ESRRG: variants seen among roughly 807,000 people sequenced by gnomAD.
ESRRG encodes the protein estrogen related receptor gamma, also known as estrogen-related receptor gamma.
A neutral mutation model predicts 44.0 loss-of-function variants in ESRRG; 13 were observed. That is an observed-to-expected ratio of 0.30 (90% CI 0.19 to 0.47). The LOEUF is 0.47. Ranked by LOEUF, ESRRG falls within the 20% of genes least tolerant of loss-of-function variation. The pLI, the probability that ESRRG is intolerant of heterozygous loss-of-function variation, is 1.00. For synonymous variants in ESRRG, 215 were observed against 214.6 expected (o/e 1.00, Z -0.02); for missense variants, 395 against 580.6 (o/e 0.68, Z 3.29).
At chr1:216,782,608 T>C (rs2093975652) in intron 2 of ESRRG, among the ~76,000 whole-genome samples, 1 of 152,102 alleles carries the variant, frequency 6.6e-6, no homozygotes, top group African/African-American at 2.4e-5. Flanking sequence ...TCATTTTCAT[T>C]AGAAAGAACC....
intron 2 of ESRRG, among the ~76,000 whole-genome samples, chr1:216,661,089 G>A (rs545031456): frequency 5.3e-5 from 8 of 152,220 alleles, no homozygotes; most frequent in African/African-American, 1.9e-4. Context: ...CTCATCCAAG[G>A]ACTAAAGAAA....
chr1:216,967,213 C>T (rs376062320), intron 1 of ESRRG, among the ~76,000 whole-genome samples: 1 of 152,016 alleles, frequency 6.6e-6, no homozygotes, highest in Admixed American at 6.6e-5. Context: ...GGTACATTTG[C>T]TACAACTAAT....
chr1:216,728,963 G>A (rs1244925496), intron 2 of ESRRG, among the ~76,000 whole-genome samples: 14 of 152,120 alleles, frequency 9.2e-5, no homozygotes, highest in African/African-American at 2.9e-4. Context: ...ATTAATTAGA[G>A]GTGTGTGTTT....
chr1:216,771,787 T>C (rs192802574), intron 2 of ESRRG, among the ~76,000 whole-genome samples: 29 of 150,998 alleles, frequency 1.9e-4, no homozygotes, highest in African/African-American at 7.0e-4. Flanking sequence ...TAAATTTAAT[T>C]ACAGTATTTT....
At chr1:216,622,609 T>TATACACACACACACACAC (rs147309378) in intron 3 of ESRRG, among the ~76,000 whole-genome samples, 4 of 150,824 alleles carry the variant, frequency 2.7e-5, no homozygotes, top group African/African-American at 9.8e-5. Flanking sequence ...AAATGAAAAT[T>TATACACACACACACACAC]ACACACACGC....
intron 2 of ESRRG, among the ~76,000 whole-genome samples, chr1:216,923,851 C>T (rs764332555): frequency 2.6e-5 from 4 of 152,116 alleles, no homozygotes; most frequent in African/African-American, 4.8e-5. Context: ...GAAATGGGAG[C>T]GTTCCAGGAA....
chr1:217,102,366 A>T (rs547133045), intron 1 of ESRRG, among the ~76,000 whole-genome samples: 23 of 152,084 alleles, frequency 1.5e-4, no homozygotes, highest in Middle Eastern at 6.8e-3. Context: ...TATTATTTTT[A>T]AAATAATAAT....
At chr1:216,569,190 G>GGGAAAGAAAAGGAAA (rs2060293977) in intron 3 of ESRRG, among the ~76,000 whole-genome samples, 1 of 53,838 alleles carries the variant, frequency 1.9e-5, no homozygotes, top group East Asian at 6.6e-4. Flanking sequence ...GGGAAGGGAA[G>GGGAAAGAAAAGGAAA]GGAAAGGAAA....
At chr1:216,931,697 AT>A in intron 2 of ESRRG, among the ~76,000 whole-genome samples, 1 of 152,284 alleles carries the variant, frequency 6.6e-6, no homozygotes, top group Middle Eastern at 3.4e-3. Context: ...CTCTGCAGTC[AT>A]CTCTCCAACT....
chr1:216,625,962 C>T (rs2063127480), intron 3 of ESRRG, among the ~76,000 whole-genome samples: 1 of 152,114 alleles, frequency 6.6e-6, no homozygotes, highest in South Asian at 2.1e-4. Flanking sequence ...CTCTCACTCC[C>T]TCTGTCTGTT....
intron 3 of ESRRG, among the ~76,000 whole-genome samples, chr1:216,623,572 T>A (rs893136731): frequency 2.6e-5 from 4 of 152,180 alleles, no homozygotes; most frequent in African/African-American, 9.7e-5. Flanking sequence ...ATTGAAGAGT[T>A]ACTTTATCAA....
At position 216,760,624 on chromosome 1, in the gene ESRRG, A is replaced by C. The variant is rs149083991; in HGVS notation, c.-13-83133T>G. 4.1e-3 allele frequency among the ~76,000 whole-genome samples: 618 copies of C among 152,096 alleles called. 3 individuals are homozygous for C. The highest frequency in any genetic ancestry group is 7.0e-3 in the Non-Finnish European group (478 of 67,996). The stretch of plus-strand genomic sequence containing the variant: ...TCTCTAAAAATAACATAAATTAAGT[A>C]ATTTAAATTGAGAGGGAATAAAGGA... On this transcript the variant is annotated intron_variant, in intron 2 of 7. Transcript: ENST00000359162.
intron 1 of ESRRG, chr1:216,714,980 C>T (rs2084511967): frequency 1.7e-6 from 1 of 587,608 alleles, no homozygotes; most frequent in Non-Finnish European, 2.1e-6. Context: ...AGAATCTCTG[C>T]CTGAGCTTCT....
At chr1:216,670,867 C>CA (rs2075041979) in intron 2 of ESRRG, among the ~76,000 whole-genome samples, 1 of 152,124 alleles carries the variant, frequency 6.6e-6, no homozygotes, top group Middle Eastern at 3.2e-3. Flanking sequence ...CACTGCCTCT[C>CA]ACTGACAGAA....
chr1:217,018,718 A>G (rs941784831), intron 1 of ESRRG, among the ~76,000 whole-genome samples: 3 of 152,140 alleles, frequency 2.0e-5, no homozygotes, highest in African/African-American at 7.2e-5. Context: ...TCTGCCAGGT[A>G]ACTATTACTC....
chr1:216,891,158 G>A (rs1320284137), intron 2 of ESRRG, among the ~76,000 whole-genome samples: 5 of 152,112 alleles, frequency 3.3e-5, no homozygotes, highest in African/African-American at 7.2e-5. Flanking sequence ...CTTGAACAAC[G>A]CTGTCTGCCG....
At chr1:216,856,273 T>G (rs781670611) in intron 2 of ESRRG, among the ~76,000 whole-genome samples, 13 of 151,972 alleles carry the variant, frequency 8.6e-5, no homozygotes, top group Non-Finnish European at 1.8e-4. Flanking sequence ...GAAAATTTCC[T>G]GGAAAGCATG....
At position 216,723,341 on chromosome 1, in the gene ESRRG, C is replaced by CA; in HGVS notation, c.-43dup. ...TTATTTGTGCACCCCAGCTATAAAT[C>CA]AAAGTTTCCTTGACAGAGCACAGTG... On this transcript the variant is annotated 5_prime_UTR_variant, in exon 1 of 7. Coordinates refer to ENST00000408911, the MANE Select transcript of ESRRG (RefSeq NM_001438.4). 1 of 1,599,360 alleles carries CA rather than the reference C, an allele frequency of 6.3e-7. No individual in the cohort carries two copies.
In ESRRG at chr1:216,792,179, T is replaced by C. The variant is rs147834595; in HGVS notation, c.-13-114688A>G. Among the ~76,000 whole-genome samples the C allele has an allele frequency of 4.3e-3, 662 of 152,206 alleles. 7 individuals carry two copies. The highest frequency in any genetic ancestry group is 0.015 in the African/African-American group (639 of 41,532). ...AGTGCATACATAATAACAAGAAGCA[T>C]GTGGTCAGCCTCATTCATTATCTCT... On this transcript the variant is annotated intron_variant, in intron 2 of 7. Transcript: ENST00000359162.
Sources: allele counts gnomAD v4.1 joint callset (sites outside exome capture counted in the v4.1 genomes callset), GRCh38; gene constraint gnomAD v4.1.1; transcripts MANE v1.5; gene names NCBI Gene and HGNC (gene_info 2026-07-23, HGNC 2026-07-21).